CCL27: variants seen among roughly 807,000 people sequenced by gnomAD.
The protein encoded by CCL27 is C-C motif chemokine ligand 27, also known as C-C motif chemokine 27.
Under a neutral mutation model 7.7 loss-of-function variants are expected in CCL27, and 8 were observed. The ratio of observed to expected loss-of-function variants is 1.04; its 90% CI spans 0.61 to 1.88. The LOEUF is 1.88. Ranked by LOEUF, CCL27 falls within the 40% of genes most tolerant of loss-of-function variation. CCL27 has a pLI of 0.00. For synonymous variants in CCL27, 49 were observed against 53.2 expected, an observed-to-expected ratio of 0.92 and a Z score of 0.34; for missense variants, 130 against 130.0, an observed-to-expected ratio of 1.00 and a Z score of 0.00.
At chr9:34,662,531 GA>G in intron 1 of CCL27, 32 bp downstream of exon 1, 6 of 1,612,964 alleles carry the variant, frequency 3.7e-6, no homozygotes, top group Non-Finnish European at 5.1e-6. Flanking sequence ...CATTCACCCA[GA>G]CCCCCAGCTT....
Position 34,662,062 on chromosome 9 carries a change from CG to C in CCL27, c.220del (p.Arg74AlafsTer30). ...LQAFVLHLAQ[R>X]SICIHPQNPS... ...GTTCTGGGGGTGGATGCAGATGCTG[CG>C]TTGAGCCAGGTGAAGCCTGGGTAGA... is the stretch of plus-strand genomic sequence containing the variant. On this transcript the variant is annotated frameshift_variant, in exon 3 of 3. Coordinates refer to ENST00000259631, the MANE Select transcript of CCL27 (RefSeq NM_006664.4). LOFTEE classifies it high-confidence loss of function. The C allele has an allele frequency of 6.2e-7, 1 of 1,614,182 alleles. No homozygotes were observed. Among genetic ancestry groups the C allele is most frequent in the Admixed American group, 1.7e-5 (1 of 60,024 alleles).
chr9:34,662,051 T>C lies in CCL27; in HGVS notation c.232A>G (p.Ile78Val), dbSNP rs11575594. The C allele has an allele frequency of 4.8e-3, 7,713 of 1,614,194 alleles. 301 individuals are homozygous for C. In the African/African-American group the frequency reaches 0.088, roughly 18 times the overall value. ...VLHLAQRSIC[I>V]HPQNPSLSQW... is the part of the protein sequence containing the mutation. ...GACAGGCTGGGGTTCTGGGGGTGGA[T>C]GCAGATGCTGCGTTGAGCCAGGTGA... The change falls in exon 3 of 3, where the codon ATC becomes GTC. Residue 78 changes from isoleucine (I) to valine (V), a missense_variant. By Grantham distance (29) the Ile-to-Val change is conservative (BLOSUM62 3). Coordinates refer to ENST00000259631, the MANE Select transcript of CCL27 (RefSeq NM_006664.4).
rs1184490594 is a variant in CCL27 at position 34,661,998 on chromosome 9, C to A, written c.285G>T (p.Lys95Asn). The change falls in exon 3 of 3, where the codon AAG (lysine) becomes AAT (asparagine). Residue 95 changes from lysine (K) to asparagine (N), a missense_variant. Coordinates refer to ENST00000259631, the MANE Select transcript of CCL27 (RefSeq NM_006664.4). The part of the protein sequence containing the change: ...LSQWFEHQER[K>N]LHGTLPKLNF... ...TCAGCTTGGGCAGAGTCCCATGGAGCTTTCTCTCTTGGTGCTCAAACCACT... is the reference window on the plus strand; with the variant it reads ...TCAGCTTGGGCAGAGTCCCATGGAGATTTCTCTCTTGGTGCTCAAACCACT... 3 of 1,614,248 alleles carry A rather than the reference C, an allele frequency of 1.9e-6. No homozygotes were observed. The East Asian group carries it at 6.7e-5, about 36-fold the overall frequency.
In CCL27 at chr9:34,662,600, G is replaced by A. The variant is rs775720302; in HGVS notation, c.34C>T (p.Leu12=). The change falls in exon 1 of 3, where the codon CTG becomes TTG. Residue 12 remains leucine, a synonymous_variant. Transcript: ENST00000259631. ...TCTGGGCTCAGGAGCAATGACAGCA[G>A]CAGGAGGCTGCAGAAGGTTGGGGGC... is the stretch of plus-strand genomic sequence containing the variant. The part of the protein sequence containing the change: ...KGPPTFCSLL[L]LSLLLSPDPT... The A allele has an allele frequency of 4.3e-6, 7 of 1,613,850 alleles. No homozygotes were observed. Among genetic ancestry groups the A allele is most frequent in the East Asian group, 2.2e-5 (1 of 44,882 alleles).
Position 34,662,611 on chromosome 9 carries a change from C to G in CCL27, c.23G>C (p.Cys8Ser). 1.2e-6 allele frequency: 2 copies of G among 1,613,530 alleles called. No homozygotes were observed. Among genetic ancestry groups the G allele is most frequent in the East Asian group, 4.5e-5 (2 of 44,880 alleles). ...GAGCAATGACAGCAGCAGGAGGCTG[C>G]AGAAGGTTGGGGGCCCCTTCATGTT... is the stretch of plus-strand genomic sequence containing the variant. The part of the protein sequence containing the change: MKGPPTF[C>S]SLLLLSLLLS... The change falls in exon 1 of 3, where the codon TGC becomes TCC. Residue 8 changes from cysteine to serine, a missense_variant. Cys to Ser is a moderately radical substitution (Grantham distance 112, BLOSUM62 -1). Coordinates refer to ENST00000259631, the MANE Select transcript of CCL27 (RefSeq NM_006664.4).
chr9:34,662,532 A>G (rs1233490506), intron 1 of CCL27, 32 bp downstream of exon 1: 2 of 1,612,958 alleles, frequency 1.2e-6, no homozygotes, highest in Non-Finnish European at 1.7e-6. Flanking sequence ...ATTCACCCAG[A>G]CCCCCAGCTT....
At position 34,662,324 on chromosome 9, in the gene CCL27, G is replaced by T; in HGVS notation, c.163C>A (p.Leu55Met). 2 of 1,614,108 alleles carry T rather than the reference G, an allele frequency of 1.2e-6. No individual in the cohort carries two copies. Among genetic ancestry groups the T allele is most frequent in the Non-Finnish European group, 1.7e-6 (2 of 1,180,010 alleles). Residue 55 changes from leucine to methionine, a missense_variant, in exon 2 of 3, where the codon CTG becomes ATG. Physicochemically the swap from Leu to Met is conservative, Grantham distance 15. Coordinates refer to ENST00000259631, the MANE Select transcript of CCL27 (RefSeq NM_006664.4). The stretch of plus-strand genomic sequence containing the variant: ...TGACAGTCCCCGTCAGCCTCCTGCA[G>T]TTCCACCTGGATGACCTTCCTCAGT... ...KLLRKVIQVELQEADGDCHLQ... is the reference protein window; with the variant it reads ...KLLRKVIQVEMQEADGDCHLQ...
intron 2 of CCL27, 86 bp downstream of exon 2, chr9:34,662,198 G>T (rs1821470906): frequency 1.9e-6 from 3 of 1,606,026 alleles, no homozygotes; most frequent in South Asian, 1.1e-5. Flanking sequence ...GTTGGCAACA[G>T]AATTAGCAGT....
intron 2 of CCL27, 42 bp downstream of exon 2, chr9:34,662,242 G>C: frequency 1.2e-6 from 2 of 1,612,482 alleles, no homozygotes; most frequent in Non-Finnish European, 1.7e-6. Flanking sequence ...TTAGGGGTTG[G>C]GACTGAGGTC....
rs1821478718 is a variant in CCL27, at chr9:34,662,546, A to T, written c.70+18T>A. On this transcript the variant is annotated intron_variant, in intron 1 of 2. Coordinates refer to ENST00000259631, the MANE Select transcript of CCL27 (RefSeq NM_006664.4). ...CATTCACCCAGACCCCCAGCTTTCT[A>T]TACCCCCAAGTACTCACCTGCTGTA... The T allele has an allele frequency of 1.2e-6, 2 of 1,613,864 alleles. No individual in the cohort carries two copies. The highest frequency in any genetic ancestry group is 4.5e-5 in the East Asian group (2 of 44,878).
Position 34,662,292 on chromosome 9 carries a change from C to G in CCL27, c.195G>C (p.Gln65His). 1 of 1,614,004 alleles carries G rather than the reference C, an allele frequency of 6.2e-7. No homozygotes were observed. The highest frequency in any genetic ancestry group is 1.1e-5 in the South Asian group (1 of 91,080). ...LQEADGDCHL[Q>H]AFVLHLAQRS... ...CAGGGGTGGGAGCTCACACGAAAGC[C>G]TGGAGGTGACAGTCCCCGTCAGCCT... Residue 65 changes from glutamine (Q) to histidine (H), a missense_variant, in exon 2 of 3, where the codon CAG (glutamine) becomes CAC (histidine). Physicochemically the swap from Gln to His is conservative, Grantham distance 24 (BLOSUM62 0). Transcript: ENST00000259631.
In CCL27 at chr9:34,662,355, G is replaced by T. The variant is rs1821475058; in HGVS notation, c.132C>A (p.Asp44Glu). Residue 44 changes from aspartate (D) to glutamate (E), a missense_variant, in exon 2 of 3, where the codon GAC (aspartate) becomes GAA (glutamate). Coordinates refer to ENST00000259631, the MANE Select transcript of CCL27 (RefSeq NM_006664.4). ...CTQLYRKPLS[D>E]KLLRKVIQVE... is the part of the protein sequence containing the mutation. ...CCTGGATGACCTTCCTCAGTAGCTT[G>T]TCTGAGAGTGGCTTTCGGTAGAGCT... 5 of 1,614,010 alleles carry T rather than the reference G, an allele frequency of 3.1e-6. No individual in the cohort carries two copies. In the East Asian group the frequency reaches 1.1e-4, roughly 36 times the overall value.
chr9:34,662,067 A>G lies in CCL27; in HGVS notation c.216T>C (p.Ala72=). Residue 72 remains alanine, a synonymous_variant, in exon 3 of 3, where the codon GCT becomes GCC. Coordinates refer to ENST00000259631, the MANE Select transcript of CCL27 (RefSeq NM_006664.4). ...GGGGGTGGATGCAGATGCTGCGTTG[A>G]GCCAGGTGAAGCCTGGGTAGAGAAA... ...CHLQAFVLHL[A]QRSICIHPQN... 6.2e-7 allele frequency: 1 copy of G among 1,614,176 alleles called. No individual in the cohort carries two copies. Among genetic ancestry groups the G allele is most frequent in the Non-Finnish European group, 8.5e-7 (1 of 1,180,030 alleles).
chr9:34,661,926 A>G lies in CCL27; in HGVS notation c.*18T>C, dbSNP rs768454381. On this transcript the variant is annotated 3_prime_UTR_variant, in exon 3 of 3. Transcript: ENST00000259631. ...AATTATTATCCAATGCTGCTTTATT[A>G]TTTGGCTATTGGGGGCTTCAGCCCA... is the stretch of plus-strand genomic sequence containing the variant. 1 of 1,613,366 alleles carries G rather than the reference A, an allele frequency of 6.2e-7. No individual in the cohort carries two copies. Among genetic ancestry groups the G allele is most frequent in the African/African-American group, 1.3e-5 (1 of 74,954 alleles).
rs112653333 is a variant in CCL27 at position 34,662,388 on chromosome 9, G to A, written c.99C>T (p.Cys33=). The A allele has an allele frequency of 1.2e-6, 2 of 1,614,150 alleles. No homozygotes were observed. Among genetic ancestry groups the A allele is most frequent in the African/African-American group, 1.3e-5 (1 of 75,036 alleles). ...AAFLLPPSTA[C]CTQLYRKPLS... ...GTGGCTTTCGGTAGAGCTGAGTACA[G>A]CAGGCAGTGCTGGGTGGCAGTAGGA... is the stretch of plus-strand genomic sequence containing the variant. The change falls in exon 2 of 3, where the codon TGC becomes TGT. Residue 33 remains cysteine, a synonymous_variant. Transcript: ENST00000259631.
chr9:34,662,172 C>T, intron 2 of CCL27, 93 bp from the exon 3 acceptor site: 1 of 1,603,834 alleles, frequency 6.2e-7, no homozygotes, highest in Non-Finnish European at 8.5e-7. Flanking sequence ...GGAGCAAGGA[C>T]CAGATGAAAA....
chr9:34,661,908 A>G lies in CCL27; in HGVS notation c.*36T>C. 1 of 1,609,846 alleles carries G rather than the reference A, an allele frequency of 6.2e-7. No homozygotes were observed. Among genetic ancestry groups the G allele is most frequent in the South Asian group, 1.1e-5 (1 of 91,000 alleles). ...TTGGAGATTATACTCAGAAATTATT[A>G]TCCAATGCTGCTTTATTATTTGGCT... On this transcript the variant is annotated 3_prime_UTR_variant, in exon 3 of 3. Coordinates refer to ENST00000259631, the MANE Select transcript of CCL27 (RefSeq NM_006664.4).
rs967788000 is a variant in CCL27 at position 34,662,553 on chromosome 9, C to G, written c.70+11G>C. On this transcript the variant is annotated intron_variant, in intron 1 of 2. Transcript: ENST00000259631. ...CCAGACCCCCAGCTTTCTATACCCCCAAGTACTCACCTGCTGTAGGGTCTG... is the reference window on the plus strand; with the variant it reads ...CCAGACCCCCAGCTTTCTATACCCCGAAGTACTCACCTGCTGTAGGGTCTG... 1 of 1,614,046 alleles carries G rather than the reference C, an allele frequency of 6.2e-7. No individual in the cohort carries two copies. Among genetic ancestry groups the G allele is most frequent in the Non-Finnish European group, 8.5e-7 (1 of 1,179,920 alleles).
In CCL27 at chr9:34,662,552, C is replaced by T. The variant is rs772570337; in HGVS notation, c.70+12G>A. 3.7e-6 allele frequency: 6 copies of T among 1,613,812 alleles called. No homozygotes were observed. The Admixed American group carries it at 5.0e-5, about 13-fold the overall frequency. ...CCCAGACCCCCAGCTTTCTATACCC[C>T]CAAGTACTCACCTGCTGTAGGGTCT... On this transcript the variant is annotated intron_variant, in intron 1 of 2. Transcript: ENST00000259631.
Sources: allele counts gnomAD v4.1 joint callset, GRCh38; gene constraint gnomAD v4.1.1; transcripts MANE v1.5; gene names NCBI Gene and HGNC (gene_info 2026-07-23, HGNC 2026-07-21).